The following BTC variants were observed in gnomAD, a reference collection of about 807,000 sequenced individuals.
The protein encoded by BTC is probetacellulin.
A neutral mutation model predicts 18.1 loss-of-function variants in BTC; 13 were observed. The ratio of observed to expected loss-of-function variants is 0.72; its 90% CI spans 0.47 to 1.14. The LOEUF (loss-of-function observed/expected upper bound fraction) is 1.14, where lower values mean the gene tolerates loss of function less well. BTC is among the 50% of genes most tolerant of loss of function. The probability of loss-of-function intolerance (pLI) is 0.00; values close to 1 mark genes in which losing one functional copy is unlikely to be tolerated. For synonymous variants in BTC, 83 were observed against 79.4 expected (o/e 1.05, Z -0.24); for missense variants, 247 against 224.2 (o/e 1.10, Z -0.65).
intron 3 of BTC, among the ~76,000 whole-genome samples, chr4:74,751,560 G>C (rs1226421358): frequency 1.3e-5 from 2 of 151,990 alleles, no homozygotes; most frequent in Non-Finnish European, 2.9e-5. Flanking sequence ...CATTCTCTCA[G>C]CTTTCTGTCA....
In BTC at chr4:74,770,046, G is replaced by A; in HGVS notation, c.163+12C>T. The stretch of plus-strand genomic sequence containing the variant: ...AAACTCAGATTTGAATATAAAACTT[G>A]TTAAACTTTACCTGCACAGTTTTCC... On this transcript the variant is annotated intron_variant, in intron 2 of 5. Transcript: ENST00000395743. 1 of 1,593,408 alleles carries A rather than the reference G, an allele frequency of 6.3e-7. No homozygotes were observed. Among genetic ancestry groups the A allele is most frequent in the Non-Finnish European group, 8.6e-7 (1 of 1,168,412 alleles).
chr4:74,785,114 G>T (rs1725445327), intron 1 of BTC, among the ~76,000 whole-genome samples: 1 of 152,086 alleles, frequency 6.6e-6, no homozygotes, highest in African/African-American at 2.4e-5. Flanking sequence ...CTCATTATTG[G>T]TCTGTTCAGG....
At chr4:74,772,101 T>C (rs971930117) in intron 1 of BTC, among the ~76,000 whole-genome samples, 9 of 152,228 alleles carry the variant, frequency 5.9e-5, no homozygotes, top group Admixed American at 2.0e-4. Context: ...TGAGTTTAAG[T>C]GTGATAAGTG....
intron 1 of BTC, among the ~76,000 whole-genome samples, chr4:74,770,466 C>G (rs11097375): frequency 6.6e-6 from 1 of 151,996 alleles, no homozygotes; most frequent in Non-Finnish European, 1.5e-5. Flanking sequence ...ATTCCCAGTC[C>G]CTGAGTGAAA....
In BTC at chr4:74,791,986, CACACACACACACACACACACAA is replaced by C. The variant is rs1478099260; in HGVS notation, c.64+2254_64+2275del. On this transcript the variant is annotated intron_variant, in intron 1 of 5. Transcript: ENST00000395743. The stretch of plus-strand genomic sequence containing the variant: ...CCACCATCTCACACACACACACACA[CACACACACACACACACACACAA>C]ACACTAGTGTCTCATGCATCTTATT... Among the ~76,000 whole-genome samples the C allele has an allele frequency of 5.6e-3, 829 of 148,354 alleles. 11 individuals carry two copies. Among genetic ancestry groups the C allele is most frequent in the African/African-American group, 0.02 (799 of 39,040 alleles).
chr4:74,782,131 G>T (rs554674296), intron 1 of BTC, among the ~76,000 whole-genome samples: 1 of 151,982 alleles, frequency 6.6e-6, no homozygotes, highest in East Asian at 1.9e-4. Context: ...TTTAAGTTCA[G>T]GGGTACATGT....
At chr4:74,752,097 C>T (rs1298864942) in intron 3 of BTC, among the ~76,000 whole-genome samples, 1 of 152,152 alleles carries the variant, frequency 6.6e-6, no homozygotes, top group South Asian at 2.1e-4. Context: ...TCCCTTAATG[C>T]CAATATTGTA....
At chr4:74,770,225 C>T (rs1314626937) in intron 1 of BTC, 69 bp from the exon 2 acceptor site, 10 of 1,233,958 alleles carry the variant, frequency 8.1e-6, no homozygotes, top group Non-Finnish European at 1.2e-5. Context: ...CTATCAAAGT[C>T]ATCACCCATT....
intron 2 of BTC, among the ~76,000 whole-genome samples, chr4:74,764,617 T>G (rs1553957659): frequency 6.6e-6 from 1 of 152,104 alleles, no homozygotes; most frequent in African/African-American, 2.4e-5. Context: ...GAAAATGTGG[T>G]TTATATACAC....
intron 1 of BTC, among the ~76,000 whole-genome samples, chr4:74,785,183 T>C (rs1725447426): frequency 1.3e-5 from 2 of 152,168 alleles, no homozygotes; most frequent in South Asian, 4.1e-4. Context: ...AATTTATCCA[T>C]TTATCTTAGA....
chr4:74,788,215 T>C (rs1469505178), intron 1 of BTC, among the ~76,000 whole-genome samples: 1 of 152,198 alleles, frequency 6.6e-6, no homozygotes, highest in Non-Finnish European at 1.5e-5. Flanking sequence ...ATCCAGACAA[T>C]ATTTCCTTTA....
chr4:74,781,158 A>T (rs1725313716), intron 1 of BTC, among the ~76,000 whole-genome samples: 1 of 152,090 alleles, frequency 6.6e-6, no homozygotes, highest in Non-Finnish European at 1.5e-5. Flanking sequence ...GAAGCTCACC[A>T]CATCCCAAGG....
In BTC at chr4:74,751,937, A is replaced by G. The variant is rs538063035; in HGVS notation, c.282-1218T>C. On this transcript the variant is annotated intron_variant, in intron 3 of 5. Coordinates refer to ENST00000395743, the MANE Select transcript of BTC (RefSeq NM_001729.4). The stretch of plus-strand genomic sequence containing the variant: ...TCATATACATAATTATTCAAAGGTC[A>G]AAAAGATTAAATTCTGCTCCTTAGA... Among the ~76,000 whole-genome samples the G allele has an allele frequency of 6.6e-5, 10 of 152,352 alleles. 1 individual carries two copies. The South Asian group carries it at 2.1e-3, about 32-fold the overall frequency.
At chr4:74,754,035 C>T (rs1261804736) in intron 3 of BTC, among the ~76,000 whole-genome samples, 2 of 152,170 alleles carry the variant, frequency 1.3e-5, no homozygotes, top group Non-Finnish European at 2.9e-5. Context: ...AAAACTGAGG[C>T]TCAGAAAAGG....
intron 1 of BTC, among the ~76,000 whole-genome samples, chr4:74,783,194 T>C (rs1254727928): frequency 1.3e-5 from 2 of 152,218 alleles, no homozygotes; most frequent in African/African-American, 4.8e-5. Flanking sequence ...TCCTGAATGT[T>C]ATTGCCTAGA....
chr4:74,772,192 A>G (rs1725061235), intron 1 of BTC, among the ~76,000 whole-genome samples: 1 of 152,196 alleles, frequency 6.6e-6, no homozygotes, highest in Non-Finnish European at 1.5e-5. Flanking sequence ...CATTTTTCTT[A>G]ATTTTCCTTA....
At chr4:74,748,628 T>C (rs1724362349) in intron 4 of BTC, among the ~76,000 whole-genome samples, 1 of 152,198 alleles carries the variant, frequency 6.6e-6, no homozygotes, top group Non-Finnish European at 1.5e-5. Context: ...AGAATATAGT[T>C]ATCTAAATAG....
intron 2 of BTC, among the ~76,000 whole-genome samples, chr4:74,762,941 G>A (rs143385636): frequency 1.5e-4 from 23 of 152,152 alleles, no homozygotes; most frequent in Non-Finnish European, 3.1e-4. Flanking sequence ...TTGTGTTCTT[G>A]AGATTTTTTG....
chr4:74,782,748 C>A (rs928064685), intron 1 of BTC, among the ~76,000 whole-genome samples: 2 of 152,276 alleles, frequency 1.3e-5, no homozygotes. Context: ...TTCTCTGCAA[C>A]TCCACCAGCA....
Sources: gnomAD v4.1 joint callset for allele counts (sites outside exome capture counted in the v4.1 genomes callset) on GRCh38, gnomAD v4.1.1 for gene constraint, MANE v1.5 for transcripts, NCBI Gene and HGNC (gene_info 2026-07-23, HGNC 2026-07-21) for gene names.